KREMEN1: variants seen among roughly 807,000 people sequenced by gnomAD.
KREMEN1 encodes kremen protein 1.
In KREMEN1, 30 loss-of-function variants were observed where a neutral mutation model predicts 46.5. That is an observed-to-expected ratio of 0.65 (90% CI 0.48 to 0.88). KREMEN1 has a LOEUF of 0.88. Ranked by LOEUF, KREMEN1 falls within the 40% of genes least tolerant of loss-of-function variation. The pLI, the probability that KREMEN1 is intolerant of heterozygous loss-of-function variation, is 0.00. For missense variants in KREMEN1, 533 were observed against 596.9 expected (o/e 0.89, Z 1.11); for synonymous variants, 214 against 230.6 (o/e 0.93, Z 0.65).
At chr22:29,123,387 T>C (rs5762994) in intron 4 of KREMEN1, among the ~76,000 whole-genome samples, 60,786 of 146,576 alleles carry the variant, frequency 0.41, 12,801 homozygotes, top group East Asian at 0.62. Context: ...TTAAAAAAAC[T>C]GAACAAAGCA....
chr22:29,109,662 G>A (rs2038112637), intron 3 of KREMEN1, among the ~76,000 whole-genome samples: 2 of 152,220 alleles, frequency 1.3e-5, no homozygotes, highest in Non-Finnish European at 2.9e-5. Flanking sequence ...GAGTTAATTA[G>A]ATGGGACTGA....
intron 9 of KREMEN1, among the ~76,000 whole-genome samples, chr22:29,160,237 TAAG>T (rs1408115472): frequency 6.6e-6 from 1 of 151,824 alleles, no homozygotes; most frequent in Non-Finnish European, 1.5e-5. Flanking sequence ...CGGAAAATAC[TAAG>T]AAGATTTCGG....
At chr22:29,097,185 G>A (rs568485545) in intron 2 of KREMEN1, among the ~76,000 whole-genome samples, 8 of 152,224 alleles carry the variant, frequency 5.3e-5, no homozygotes, top group Admixed American at 1.3e-4. Context: ...GCCCATTTCC[G>A]GCCTAACCGG....
In KREMEN1 at chr22:29,167,614, A is replaced by G. The variant is rs185367325; in HGVS notation, c.*508A>G. On this transcript the variant is annotated 3_prime_UTR_variant, in exon 10 of 10. Coordinates refer to the KREMEN1 transcript ENST00000327813. ...TGTTTTATCATCTGGAACGGTTGTG[A>G]AGCTTTGTGTGACTTGCTCAGGATC... The G allele has an allele frequency of 1.8e-3, 285 of 155,892 alleles. 1 individual carries two copies. Among genetic ancestry groups the G allele is most frequent in the African/African-American group, 6.4e-3 (267 of 41,612 alleles). The allele number at this position is 155,892 out of a possible 1,614,324, so 9.7% of individuals were successfully genotyped here. A position where few individuals can be genotyped will look rare whatever the true frequency, so the allele number is the denominator to read the frequency against.
rs763307050 is a variant in KREMEN1, at chr22:29,140,308, C to G, written c.1150C>G (p.Leu384Val). Residue 384 changes from leucine to valine, a missense_variant, in exon 8 of 9, where the codon CTC (leucine) becomes GTC (valine). Leu to Val is a conservative substitution (Grantham distance 32, BLOSUM62 1). Coordinates refer to ENST00000400335, the MANE Select transcript of KREMEN1 (RefSeq NM_001039570.3). ...PGWTVYGLAT[L>V]LILTVTAIVA... ...ATGGACAGTCTATGGTCTGGCAACTCTCCTCATCCTCACAGTCACAGCCAT... is the reference window on the plus strand; with the variant it reads ...ATGGACAGTCTATGGTCTGGCAACTGTCCTCATCCTCACAGTCACAGCCAT... 1.4e-5 allele frequency: 22 copies of G among 1,614,090 alleles called. No homozygotes were observed. Among genetic ancestry groups the G allele is most frequent in the Non-Finnish European group, 1.8e-5 (21 of 1,179,914 alleles).
chr22:29,156,970 T>C (rs977545125), intron 9 of KREMEN1, among the ~76,000 whole-genome samples: 5 of 152,200 alleles, frequency 3.3e-5, no homozygotes, highest in Non-Finnish European at 7.3e-5. Context: ...GTGGATAACA[T>C]CTCTTCTTCA....
chr22:29,105,970 A>G (rs540414806), intron 3 of KREMEN1, among the ~76,000 whole-genome samples: 1 of 152,380 alleles, frequency 6.6e-6, no homozygotes, highest in South Asian at 2.1e-4. Flanking sequence ...GCCTTACAAA[A>G]GTCAGCCCAA....
At position 29,073,359 on chromosome 22, in the gene KREMEN1, G is replaced by T; in HGVS notation, c.97+132G>T. ...GGGCCCCTTCCCCTCGCCCCTAGGCGACGCCCCTCAGGCCGGGATGGTCCC... is the reference window on the plus strand; with the variant it reads ...GGGCCCCTTCCCCTCGCCCCTAGGCTACGCCCCTCAGGCCGGGATGGTCCC... On this transcript the variant is annotated intron_variant, in intron 1 of 8. Coordinates refer to ENST00000400335, the MANE Select transcript of KREMEN1 (RefSeq NM_001039570.3). This position sits in a 1 kb window ranked among gnomAD's most constrained non-coding sequence, Gnocchi z 4.4. 1 of 244,686 alleles carries T rather than the reference G, an allele frequency of 4.1e-6. No homozygotes were observed. The highest frequency in any genetic ancestry group is 7.3e-6 in the Non-Finnish European group (1 of 136,210). 15.2% of individuals were successfully genotyped at this position (244,686 alleles called of 1,614,324 possible).
intron 5 of KREMEN1, among the ~76,000 whole-genome samples, chr22:29,133,187 G>A (rs886341863): frequency 4.0e-5 from 6 of 148,420 alleles, no homozygotes; most frequent in Non-Finnish European, 8.9e-5. Context: ...GGTGAAGCTT[G>A]CAGTGAGCAG....
chr22:29,083,496 C>T (rs2037687400), intron 1 of KREMEN1, among the ~76,000 whole-genome samples: 1 of 152,172 alleles, frequency 6.6e-6, no homozygotes, highest in African/African-American at 2.4e-5. Context: ...GAAAGGGGTC[C>T]TGATCTAGAC....
intron 5 of KREMEN1, among the ~76,000 whole-genome samples, chr22:29,132,842 A>G (rs556998575): frequency 6.6e-6 from 1 of 152,238 alleles, no homozygotes; most frequent in East Asian, 1.9e-4. Flanking sequence ...TCAGTACTTC[A>G]AAGATATTGG....
intron 8 of KREMEN1, 49 bp downstream of exon 8, chr22:29,140,415 G>A: frequency 1.5e-6 from 2 of 1,349,280 alleles, no homozygotes; most frequent in Non-Finnish European, 2.1e-6. Context: ...AAGGCTCAGA[G>A]TTCATTTTCT....
intron 9 of KREMEN1, among the ~76,000 whole-genome samples, chr22:29,158,936 A>G (rs953213059): frequency 1.3e-5 from 2 of 151,862 alleles, no homozygotes; most frequent in African/African-American, 4.8e-5. Flanking sequence ...CTCCTGCCTC[A>G]GCCTCCCAAG....
At chr22:29,165,921 G>A (rs1440297868) in intron 9 of KREMEN1, among the ~76,000 whole-genome samples, 1 of 152,242 alleles carries the variant, frequency 6.6e-6, no homozygotes, top group Non-Finnish European at 1.5e-5. Context: ...AGAGGAAAGA[G>A]CTGCCTCTCT....
chr22:29,137,631 T>C lies in KREMEN1; in HGVS notation c.921T>C (p.Ser307=). The C allele has an allele frequency of 6.2e-7, 1 of 1,609,934 alleles. No individual in the cohort carries two copies. The highest frequency in any genetic ancestry group is 1.1e-5 in the South Asian group (1 of 90,990). Residue 307 remains serine (S), a synonymous_variant, in exon 6 of 9, where the codon TCT becomes TCC. Transcript: ENST00000400335. ...SLDFVILYFF[S]DRINQAQGFA... ...ACTTCGTCATCTTGTATTTCTTCTC[T>C]GATCGCATCAATCAGGCCCAGGGAT...
intron 1 of KREMEN1, among the ~76,000 whole-genome samples, chr22:29,091,801 A>G (rs1200257109): frequency 6.6e-6 from 1 of 152,220 alleles, no homozygotes; most frequent in Non-Finnish European, 1.5e-5. Context: ...GAAGCAAACA[A>G]AGGGCAGAAA....
At chr22:29,124,841 C>G (rs554846183) in intron 4 of KREMEN1, among the ~76,000 whole-genome samples, 2 of 152,178 alleles carry the variant, frequency 1.3e-5, no homozygotes, top group Admixed American at 1.3e-4. Flanking sequence ...AACTATATGC[C>G]AAAATACTAT....
At chr22:29,088,219 G>A (rs1326227544) in intron 1 of KREMEN1, among the ~76,000 whole-genome samples, 3 of 152,146 alleles carry the variant, frequency 2.0e-5, no homozygotes. Flanking sequence ...GTAGTAGGAT[G>A]ATGTGCCCAC....
At chr22:29,104,555 T>C (rs895895438) in intron 3 of KREMEN1, among the ~76,000 whole-genome samples, 2 of 152,256 alleles carry the variant, frequency 1.3e-5, no homozygotes, top group Non-Finnish European at 2.9e-5. Context: ...CTATTAGTTA[T>C]TTAAAGTTAT....
Sources: gnomAD v4.1 joint callset for allele counts (sites outside exome capture counted in the v4.1 genomes callset) on GRCh38, gnomAD v4.1.1 for gene constraint, Gnocchi (gnomAD v3.1) non-coding constraint, MANE v1.5 for transcripts, NCBI Gene and HGNC (gene_info 2026-07-23, HGNC 2026-07-21) for gene names.